FMN1: variants seen among roughly 807,000 people sequenced by gnomAD.
FMN1 encodes formin-1.
Under a neutral mutation model 132.4 loss-of-function variants are expected in FMN1, and 110 were observed. The observed-to-expected ratio is 0.83, with a 90% CI of 0.71 to 0.97. The LOEUF is 0.97. Ranked by LOEUF, FMN1 falls within the 50% of genes least tolerant of loss-of-function variation. The pLI is 0.00. For synonymous variants in FMN1, 722 were observed against 651.7 expected (o/e 1.11, Z -1.64); for missense variants, 1,792 against 1,705.3 (o/e 1.05, Z -0.90).
At chr15:32,926,090 C>T (rs1274705232) in intron 10 of FMN1, 84 bp downstream of exon 10, 3 of 763,460 alleles carry the variant, frequency 3.9e-6, no homozygotes, top group Non-Finnish European at 6.5e-6. Context: ...GGCATTCTAA[C>T]TTTGTATGTG....
intron 5 of FMN1, among the ~76,000 whole-genome samples, chr15:33,082,650 A>G (rs980883091): frequency 1.3e-5 from 2 of 152,156 alleles, no homozygotes; most frequent in Non-Finnish European, 2.9e-5. Context: ...AAAGTGCCCT[A>G]GGACCTGAGA....
intron 7 of FMN1, among the ~76,000 whole-genome samples, chr15:32,975,357 A>G (rs1368517833): frequency 6.6e-6 from 1 of 152,202 alleles, no homozygotes; most frequent in Non-Finnish European, 1.5e-5. Flanking sequence ...ACAAATGCTT[A>G]TTGATTTCTT....
intron 6 of FMN1, among the ~76,000 whole-genome samples, chr15:33,017,786 T>TG (rs2035147508): frequency 6.6e-6 from 1 of 152,244 alleles, no homozygotes; most frequent in Non-Finnish European, 1.5e-5. Flanking sequence ...TATGATGGGC[T>TG]GGGTGCAGTG....
rs1422048283 is a variant in FMN1, at chr15:32,766,706, A to G, written c.*7604T>C. 2 of 152,250 alleles carry G rather than the reference A, an allele frequency of 1.3e-5. No homozygotes were observed. The highest frequency in any genetic ancestry group is 2.9e-5 in the Non-Finnish European group (2 of 68,096). The allele number at this position is 152,250 out of a possible 1,614,324, so 9.4% of individuals were successfully genotyped here. A position where few individuals can be genotyped will look rare whatever the true frequency, so the allele number is the denominator to read the frequency against. On this transcript the variant is annotated 3_prime_UTR_variant, in exon 21 of 21. Transcript: ENST00000616417. ...TTGGTGACAGCGGAGCTCCCTGTCC[A>G]AACGGCTGAGGAACGGAGCACAGGG...
rs376105938 is a variant in FMN1, at chr15:33,067,394, T to C, written c.2044-2320A>G. The C allele has an allele frequency of 2.4e-5, 39 of 1,614,008 alleles. No homozygotes were observed. In the African/African-American group the frequency reaches 4.1e-4, roughly 17 times the overall value. On this transcript the variant is annotated intron_variant, in intron 5 of 20. Coordinates refer to ENST00000616417, the MANE Select transcript of FMN1 (RefSeq NM_001277313.2). Reference sequence around the variant, plus strand: ...AACACCACTAGGGGACTTTGGGCCATTGGTGCTGCTTCCCTCCTCTGGCTC... The same window carrying C: ...AACACCACTAGGGGACTTTGGGCCACTGGTGCTGCTTCCCTCCTCTGGCTC...
intron 15 of FMN1, among the ~76,000 whole-genome samples, chr15:32,893,893 T>A (rs1403334381): frequency 1.3e-5 from 2 of 152,224 alleles, no homozygotes; most frequent in Admixed American, 6.5e-5. Flanking sequence ...TTGGGGTAGG[T>A]ACTACCAATA....
chr15:33,073,871 T>C lies in FMN1; in HGVS notation c.2044-8797A>G, dbSNP rs113017602. ...TCAGCCTCCTGAGCACCTGGGATTATAGTTGCGTGTCACCACGACCGACTA... is the reference window on the plus strand; with the variant it reads ...TCAGCCTCCTGAGCACCTGGGATTACAGTTGCGTGTCACCACGACCGACTA... On this transcript the variant is annotated intron_variant, in intron 5 of 20. Transcript: ENST00000616417. Among the ~76,000 whole-genome samples, 776 of 152,182 alleles carry C rather than the reference T, an allele frequency of 5.1e-3. 6 individuals carry two copies. The highest frequency in any genetic ancestry group is 0.016 in the African/African-American group (676 of 41,518).
chr15:32,790,239 G>A (rs2057028830), intron 19 of FMN1, among the ~76,000 whole-genome samples: 1 of 152,162 alleles, frequency 6.6e-6, no homozygotes, highest in South Asian at 2.1e-4. Flanking sequence ...TTATGTCTAT[G>A]TAGCCAAATT....
intron 4 of FMN1, among the ~76,000 whole-genome samples, chr15:33,126,327 G>A (rs1963063915): frequency 1.3e-5 from 2 of 151,738 alleles, no homozygotes; most frequent in African/African-American, 4.9e-5. Context: ...CAGTCTAATA[G>A]AGAGGAGGCA....
chr15:32,981,535 A>AT (rs1566788083), intron 7 of FMN1, among the ~76,000 whole-genome samples: 141 of 132,362 alleles, frequency 1.1e-3, no homozygotes, highest in South Asian at 1.8e-3. Context: ...AATAATAATA[A>AT]TAATAATAAT....
intron 17 of FMN1, among the ~76,000 whole-genome samples, chr15:32,828,502 C>T (rs1217030303): frequency 6.8e-6 from 1 of 146,016 alleles, no homozygotes; most frequent in East Asian, 2.5e-4. Flanking sequence ...TATCATTTAG[C>T]ATGTTTTTTT....
At chr15:33,088,527 T>C (rs933512258) in intron 5 of FMN1, among the ~76,000 whole-genome samples, 8 of 152,196 alleles carry the variant, frequency 5.3e-5, no homozygotes, top group African/African-American at 1.9e-4. Flanking sequence ...ATGAGAGATC[T>C]AGGCTGCAAA....
intron 16 of FMN1, among the ~76,000 whole-genome samples, chr15:32,880,650 G>A (rs959290426): frequency 1.3e-5 from 2 of 152,148 alleles, no homozygotes; most frequent in Non-Finnish European, 2.9e-5. Context: ...GAAATTGCAT[G>A]TCTCAAAATG....
At chr15:32,938,658 G>T (rs529411866) in intron 9 of FMN1, among the ~76,000 whole-genome samples, 1 of 152,240 alleles carries the variant, frequency 6.6e-6, no homozygotes, top group East Asian at 1.9e-4. Context: ...ATGCCCATTT[G>T]AAAATTTGAT....
At chr15:32,804,600 G>C (rs373727450) in intron 17 of FMN1, among the ~76,000 whole-genome samples, 3 of 151,474 alleles carry the variant, frequency 2.0e-5, no homozygotes, top group East Asian at 3.9e-4. Flanking sequence ...TGCCATGTTG[G>C]TTTGCTGCAC....
chr15:33,139,804 A>T (rs1175448749), intron 4 of FMN1, among the ~76,000 whole-genome samples: 2 of 152,150 alleles, frequency 1.3e-5, no homozygotes, highest in Non-Finnish European at 2.9e-5. Context: ...AATCATCTAT[A>T]ACATGAAGAC....
intron 19 of FMN1, among the ~76,000 whole-genome samples, chr15:32,779,759 CTG>C (rs2056604854): frequency 6.6e-6 from 1 of 152,208 alleles, no homozygotes; most frequent in Admixed American, 6.5e-5. Flanking sequence ...TTTCACAACT[CTG>C]TGAGATAGGA....
At chr15:32,980,686 T>C (rs2032582973) in intron 7 of FMN1, among the ~76,000 whole-genome samples, 1 of 152,208 alleles carries the variant, frequency 6.6e-6, no homozygotes, top group Non-Finnish European at 1.5e-5. Flanking sequence ...TAAAATGGTT[T>C]CATTGATTAG....
chr15:33,091,911 A>G (rs1268004134), intron 4 of FMN1, among the ~76,000 whole-genome samples: 1 of 152,228 alleles, frequency 6.6e-6, no homozygotes, highest in African/African-American at 2.4e-5. Context: ...AGATCTTTAG[A>G]GAATATTTTG....
Sources: gnomAD v4.1 joint callset for allele counts (sites outside exome capture counted in the v4.1 genomes callset) on GRCh38, gnomAD v4.1.1 for gene constraint, MANE v1.5 for transcripts, NCBI Gene and HGNC (gene_info 2026-07-23, HGNC 2026-07-21) for gene names.